GPC6: variants seen among roughly 807,000 people sequenced by gnomAD.
GPC6 encodes glypican-6.
GPC6 carries 14 observed loss-of-function variants against 55.2 expected under a neutral mutation model. The ratio of observed to expected loss-of-function variants is 0.25; its 90% CI spans 0.17 to 0.40. GPC6 has a LOEUF of 0.40. GPC6 is among the 10% of genes least tolerant of loss of function. The pLI is 1.00. For synonymous variants in GPC6, 278 were observed against 259.6 expected, an observed-to-expected ratio of 1.07 and a Z score of -0.68; for missense variants, 641 against 708.5, an observed-to-expected ratio of 0.90 and a Z score of 1.08.
intron 2 of GPC6, among the ~76,000 whole-genome samples, chr13:93,800,432 A>G (rs1886333495): frequency 6.6e-6 from 1 of 152,172 alleles, no homozygotes; most frequent in African/African-American, 2.4e-5. Flanking sequence ...TTGAGGAAAC[A>G]GCATCTCTGG....
At chr13:94,312,100 TAACA>T (rs1194771729) in intron 6 of GPC6, among the ~76,000 whole-genome samples, 7 of 152,226 alleles carry the variant, frequency 4.6e-5, no homozygotes, top group African/African-American at 1.7e-4. Flanking sequence ...ATACATATCA[TAACA>T]TCCCTGTGTG....
intron 1 of GPC6, among the ~76,000 whole-genome samples, chr13:93,466,445 C>T (rs983727832): frequency 5.3e-4 from 81 of 152,314 alleles, no homozygotes; most frequent in African/African-American, 1.9e-3. Flanking sequence ...TAAAGAGTTA[C>T]ATTTCTAGCA....
At chr13:94,076,734 A>G (rs1229589197) in intron 4 of GPC6, among the ~76,000 whole-genome samples, 3 of 151,886 alleles carry the variant, frequency 2.0e-5, no homozygotes, top group Non-Finnish European at 4.4e-5. Context: ...TGAAGAGACT[A>G]TCTTTTCTCC....
intron 4 of GPC6, among the ~76,000 whole-genome samples, chr13:94,034,074 C>T (rs1883238066): frequency 6.6e-6 from 1 of 152,104 alleles, no homozygotes; most frequent in East Asian, 1.9e-4. Flanking sequence ...AACCCTCTGT[C>T]TTTCTTTTAC....
intron 1 of GPC6, among the ~76,000 whole-genome samples, chr13:93,230,907 C>T (rs1481584084): frequency 2.0e-5 from 3 of 152,086 alleles, no homozygotes; most frequent in Non-Finnish European, 2.9e-5. Flanking sequence ...TTGCTAGGAT[C>T]ATTAATTATA....
chr13:94,262,517 A>G (rs531511247), intron 4 of GPC6, among the ~76,000 whole-genome samples: 1 of 152,256 alleles, frequency 6.6e-6, no homozygotes, highest in African/African-American at 2.4e-5. Flanking sequence ...TACTAAAAAT[A>G]CAAAAATTAA....
chr13:93,686,098 T>A (rs1018928932), intron 2 of GPC6, among the ~76,000 whole-genome samples: 2 of 152,148 alleles, frequency 1.3e-5, no homozygotes, highest in Non-Finnish European at 1.5e-5. Flanking sequence ...GCAGTTTTGA[T>A]AAGTCAGCAT....
At chr13:93,438,172 T>A (rs1415450822) in intron 1 of GPC6, among the ~76,000 whole-genome samples, 2 of 152,156 alleles carry the variant, frequency 1.3e-5, no homozygotes, top group Non-Finnish European at 2.9e-5. Flanking sequence ...ATGCACCTGG[T>A]CACCCAAGAG....
chr13:93,599,269 A>C (rs2139521439), intron 2 of GPC6, among the ~76,000 whole-genome samples: 1 of 148,324 alleles, frequency 6.7e-6, no homozygotes, highest in Non-Finnish European at 1.5e-5. Context: ...TATTACTTAG[A>C]AACTGCCAAA....
At chr13:93,419,319 T>C (rs991541213) in intron 1 of GPC6, among the ~76,000 whole-genome samples, 2 of 151,868 alleles carry the variant, frequency 1.3e-5, no homozygotes, top group Non-Finnish European at 2.9e-5. Flanking sequence ...TTTGAGTGTG[T>C]GTCTTTGAGC....
chr13:93,899,477 G>A (rs1311033593), intron 3 of GPC6, among the ~76,000 whole-genome samples: 1 of 151,972 alleles, frequency 6.6e-6, no homozygotes, highest in African/African-American at 2.4e-5. Context: ...TCCATGGGGG[G>A]AGAGACATTT....
At chr13:94,252,594 CCCCTGTA>C (rs1221192778) in intron 4 of GPC6, among the ~76,000 whole-genome samples, 1 of 152,046 alleles carries the variant, frequency 6.6e-6, no homozygotes, top group East Asian at 1.9e-4. Flanking sequence ...TTGCTGCTCT[CCCCTGTA>C]CCCACCACCA....
intron 2 of GPC6, among the ~76,000 whole-genome samples, chr13:93,584,256 T>C (rs1877081741): frequency 6.6e-6 from 1 of 152,152 alleles, no homozygotes; most frequent in African/African-American, 2.4e-5. Flanking sequence ...GGGTGACTAA[T>C]AACTTTATTT....
intron 1 of GPC6, among the ~76,000 whole-genome samples, chr13:93,238,346 A>ATTC (rs1876311202): frequency 6.6e-6 from 1 of 152,106 alleles, no homozygotes; most frequent in Non-Finnish European, 1.5e-5. Context: ...GCTATTGTAA[A>ATTC]TGGGATGGAA....
chr13:93,834,885 A>C (rs978694773), intron 3 of GPC6, among the ~76,000 whole-genome samples: 2 of 152,218 alleles, frequency 1.3e-5, no homozygotes, highest in African/African-American at 4.8e-5. Flanking sequence ...GCACCTTGAC[A>C]GAATGGATTC....
At chr13:93,737,520 A>G (rs2138844348) in intron 2 of GPC6, among the ~76,000 whole-genome samples, 1 of 152,276 alleles carries the variant, frequency 6.6e-6, no homozygotes, top group Non-Finnish European at 1.5e-5. Context: ...TTCAACATTC[A>G]TCGATTTATT....
intron 1 of GPC6, among the ~76,000 whole-genome samples, chr13:93,256,671 G>T (rs746215529): frequency 2.0e-5 from 3 of 152,068 alleles, no homozygotes; most frequent in Non-Finnish European, 4.4e-5. Context: ...ACTAAGTCCT[G>T]TATGTTCTCT....
At chr13:93,901,632 G>A (rs1382636262) in intron 3 of GPC6, among the ~76,000 whole-genome samples, 2 of 152,096 alleles carry the variant, frequency 1.3e-5, no homozygotes, top group African/African-American at 2.4e-5. Flanking sequence ...GCTGGGCACG[G>A]TGGTTCACGC....
rs949331200 is a variant in GPC6 at position 94,405,374 on chromosome 13, A to T, written c.*2157A>T. On this transcript the variant is annotated 3_prime_UTR_variant, in exon 9 of 9. Transcript: ENST00000377047. ...GAAGGACCAGTCATTTACATTGCTC[A>T]TTTCATTCTGTGTTCAGAAGTCAGT... is the stretch of plus-strand genomic sequence containing the variant. 3.3e-5 allele frequency: 5 copies of T among 152,210 alleles called. No homozygotes were observed. Among genetic ancestry groups the T allele is most frequent in the African/African-American group, 1.2e-4 (5 of 41,460 alleles). The allele number at this position is 152,210 out of a possible 1,614,324, so 9.4% of individuals were successfully genotyped here. A position where few individuals can be genotyped will look rare whatever the true frequency, so the allele number is the denominator to read the frequency against.
Sources: allele counts gnomAD v4.1 joint callset (sites outside exome capture counted in the v4.1 genomes callset), GRCh38; gene constraint gnomAD v4.1.1; transcripts MANE v1.5; gene names NCBI Gene and HGNC (gene_info 2026-07-23, HGNC 2026-07-21).